GRAMD1B: variants seen among roughly 807,000 people sequenced by gnomAD.
GRAMD1B encodes protein Aster-B.
GRAMD1B carries 37 observed loss-of-function variants against 99.7 expected under a neutral mutation model. The observed-to-expected ratio is 0.37, with a 90% confidence interval of 0.29 to 0.49. The LOEUF is 0.49. Ranked by LOEUF, GRAMD1B falls within the 20% of genes least tolerant of loss-of-function variation. The pLI, the probability that GRAMD1B is intolerant of heterozygous loss-of-function variation, is 0.98. For missense variants in GRAMD1B, 888 were observed against 1,009.2 expected (o/e 0.88, Z 1.63); for synonymous variants, 427 against 387.6 (o/e 1.10, Z -1.19).
chr11:123,406,343 G>C (rs765711434), intron 1 of GRAMD1B, among the ~76,000 whole-genome samples: 3 of 151,246 alleles, frequency 2.0e-5, no homozygotes, highest in Non-Finnish European at 2.9e-5. Flanking sequence ...AACCTCCACC[G>C]ACTGGGTTCA....
At chr11:123,460,734 C>T (rs1950372049) in intron 1 of GRAMD1B, among the ~76,000 whole-genome samples, 1 of 152,192 alleles carries the variant, frequency 6.6e-6, no homozygotes, top group Admixed American at 6.5e-5. Context: ...GAAGGGGAGG[C>T]AGGAAGCTGA....
In GRAMD1B at chr11:123,613,502, A is replaced by G; in HGVS notation, c.2071A>G (p.Arg691Gly). ...GAGCACTTATTTGGCTGAGATGCAC[A>G]GACAATCTCCCAAAGAGAAGGCCAG... Reference protein sequence around the residue: ...TESTYLAEMHRQSPKEKASKT... With the variant: ...TESTYLAEMHGQSPKEKASKT... The change falls in exon 16 of 20, where the codon AGA (arginine) becomes GGA (glycine). Residue 691 changes from arginine (R) to glycine (G), a missense_variant. By Grantham distance (125) the Arg-to-Gly change is moderately radical. This residue lies in a region of GRAMD1B where 232 missense variants were observed against 261.7 expected (regional missense o/e 0.89). Transcript: ENST00000635736. 1 of 1,613,328 alleles carries G rather than the reference A, an allele frequency of 6.2e-7. No individual in the cohort carries two copies. Among genetic ancestry groups the G allele is most frequent in the Non-Finnish European group, 8.5e-7 (1 of 1,179,668 alleles).
At chr11:123,612,108 A>T (rs1213753222) in intron 14 of GRAMD1B, among the ~76,000 whole-genome samples, 1 of 151,314 alleles carries the variant, frequency 6.6e-6, no homozygotes, top group African/African-American at 2.4e-5. Flanking sequence ...TTTTTCTGAG[A>T]CAGGATCTCA....
intron 2 of GRAMD1B, among the ~76,000 whole-genome samples, chr11:123,483,288 G>T (rs1448620561): frequency 6.6e-6 from 1 of 152,058 alleles, no homozygotes; most frequent in African/African-American, 2.4e-5. Flanking sequence ...GATGATTCAC[G>T]TTCCAGGTGG....
At chr11:123,361,055 A>G (rs1946132165) in intron 1 of GRAMD1B, among the ~76,000 whole-genome samples, 1 of 151,986 alleles carries the variant, frequency 6.6e-6, no homozygotes. Context: ...TGACCTTGTG[A>G]TCCACCCACC....
chr11:123,500,012 G>A (rs185055995), intron 2 of GRAMD1B, among the ~76,000 whole-genome samples: 2 of 152,254 alleles, frequency 1.3e-5, no homozygotes, highest in East Asian at 1.9e-4. Context: ...AGGTTCAACT[G>A]GCTGAGAGTT....
At position 123,544,656 on chromosome 11, in the gene GRAMD1B, C is replaced by A. The variant is rs540444059; in HGVS notation, c.453-32711C>A. Among the ~76,000 whole-genome samples the A allele has an allele frequency of 2.6e-5, 4 of 152,326 alleles. No individual in the cohort carries two copies. In the South Asian group the frequency reaches 6.2e-4, roughly 24 times the overall value. ...GTTCCCTCCACATCAGCCATTCCTG[C>A]CCTGTCACTGAGCATTGCCCACAGC... On this transcript the variant is annotated intron_variant, in intron 2 of 19. Coordinates refer to ENST00000635736, the MANE Select transcript of GRAMD1B (RefSeq NM_001387025.1).
chr11:123,365,080 A>G (rs1946273606), intron 1 of GRAMD1B, among the ~76,000 whole-genome samples: 3 of 152,156 alleles, frequency 2.0e-5, no homozygotes, highest in Admixed American at 6.5e-5. Context: ...TCATAAAAAT[A>G]TTTTGCATAA....
chr11:123,425,821 A>G (rs1450130806), upstream of GRAMD1B, among the ~76,000 whole-genome samples: 1 of 152,196 alleles, frequency 6.6e-6, no homozygotes, highest in Admixed American at 6.5e-5. Flanking sequence ...ACACCAATTC[A>G]GTGCAGCATC....
At position 123,430,546 on chromosome 11, in the gene GRAMD1B, CG is replaced by C; in HGVS notation, c.-244del. On this transcript the variant is annotated 5_prime_UTR_variant, in exon 1 of 20. Transcript: ENST00000635736. ...GCTGGCAGGCGGCTCCCGCCCCTCC[CG>C]GGTGGCCTCGCCGGCGGCTGACGGC... is the stretch of plus-strand genomic sequence containing the variant. 1 of 450,532 alleles carries C rather than the reference CG, an allele frequency of 2.2e-6. No homozygotes were observed. 27.9% of individuals were successfully genotyped at this position (450,532 alleles called of 1,614,324 possible).
At chr11:123,435,310 A>G in intron 1 of GRAMD1B, 1 of 647,000 alleles carries the variant, frequency 1.5e-6, no homozygotes, top group Non-Finnish European at 2.8e-6. Flanking sequence ...ATTCAGCGTG[A>G]TGTGGTAGAA....
chr11:123,448,294 C>T (rs901963912), intron 1 of GRAMD1B, among the ~76,000 whole-genome samples: 4 of 152,096 alleles, frequency 2.6e-5, no homozygotes, highest in African/African-American at 9.7e-5. Context: ...GCTCTGTTGC[C>T]CAGGCTGGAG....
At chr11:123,550,685 A>T (rs1945522229) in intron 2 of GRAMD1B, among the ~76,000 whole-genome samples, 1 of 152,172 alleles carries the variant, frequency 6.6e-6, no homozygotes, top group South Asian at 2.1e-4. Flanking sequence ...CAGCAAGCAG[A>T]CATCCCTCAT....
Position 123,510,012 on chromosome 11 carries a change from T to G in GRAMD1B, c.452+29119T>G, listed in dbSNP as rs1255309698. ...CCCGCTCCTGGCTCCTGTGTAGGCC[T>G]CAGTCAGTCTGAATGTTATTGCAAG... is the stretch of plus-strand genomic sequence containing the variant. On this transcript the variant is annotated intron_variant, in intron 2 of 19. Transcript: ENST00000635736. This position sits in a 1 kb window ranked among gnomAD's most constrained non-coding sequence, Gnocchi z 4.3. The G allele has an allele frequency of 1.3e-5, 2 of 152,230 alleles. No homozygotes were observed. The highest frequency in any genetic ancestry group is 4.8e-5 in the African/African-American group (2 of 41,448). The allele number at this position is 152,230 out of a possible 1,614,324, so 9.4% of individuals were successfully genotyped here.
At chr11:123,556,758 G>A (rs985128090) in intron 2 of GRAMD1B, among the ~76,000 whole-genome samples, 5 of 152,194 alleles carry the variant, frequency 3.3e-5, no homozygotes, top group Non-Finnish European at 5.9e-5. Flanking sequence ...GATTGAGTCC[G>A]GAGGCGTAAG....
intron 2 of GRAMD1B, among the ~76,000 whole-genome samples, chr11:123,495,196 G>A (rs1939101635): frequency 6.6e-6 from 1 of 151,342 alleles, no homozygotes; most frequent in African/African-American, 2.4e-5. Flanking sequence ...AATATTTTAT[G>A]TATACTGTAA....
upstream of GRAMD1B, among the ~76,000 whole-genome samples, chr11:123,428,825 G>A (rs1336343613): frequency 1.3e-5 from 2 of 152,180 alleles, no homozygotes; most frequent in Non-Finnish European, 2.9e-5. Flanking sequence ...CTCTGAGAGA[G>A]GCAGAAAAGA....
intron 2 of GRAMD1B, among the ~76,000 whole-genome samples, chr11:123,484,342 C>T (rs186687531): frequency 2.6e-5 from 4 of 152,286 alleles, no homozygotes; most frequent in Admixed American, 2.0e-4. Flanking sequence ...GACATAGCTG[C>T]TTGCTAACTA....
intron 1 of GRAMD1B, among the ~76,000 whole-genome samples, chr11:123,437,312 A>G (rs1203698407): frequency 6.6e-6 from 1 of 152,126 alleles, no homozygotes; most frequent in African/African-American, 2.4e-5. Flanking sequence ...CAAACTGAGG[A>G]TTGGAACCCT....
Sources: gnomAD v4.1 joint callset for allele counts (sites outside exome capture counted in the v4.1 genomes callset) on GRCh38, gnomAD v4.1.1 for gene constraint, gnomAD v4.1.1 regional missense constraint, Gnocchi (gnomAD v3.1) non-coding constraint, MANE v1.5 for transcripts, NCBI Gene and HGNC (gene_info 2026-07-23, HGNC 2026-07-21) for gene names.